The following HEATR4 variants were observed in gnomAD, a reference collection of about 807,000 sequenced individuals.
HEATR4 encodes HEAT repeat-containing protein 4.
In HEATR4, 95 loss-of-function variants were observed where a neutral mutation model predicts 108.8. The ratio of observed to expected loss-of-function variants is 0.87; its 90% confidence interval spans 0.74 to 1.04. The LOEUF (loss-of-function observed/expected upper bound fraction) is 1.04. Among genes scored for constraint, HEATR4 ranks in the 50% least tolerant of loss-of-function variants. The pLI is 0.00. For missense variants in HEATR4, 1,152 were observed against 1,253.8 expected (o/e 0.92, Z 1.23); for synonymous variants, 443 against 459.4 (o/e 0.96, Z 0.46).
In HEATR4 at chr14:73,508,320, T is replaced by G. The variant is rs779460948; in HGVS notation, c.1721-26A>C. 5 of 1,610,824 alleles carry G rather than the reference T, an allele frequency of 3.1e-6. No homozygotes were observed. In the Admixed American group the frequency reaches 5.0e-5, roughly 16 times the overall value. On this transcript the variant is annotated intron_variant, in intron 8 of 17. Coordinates refer to ENST00000553558, the MANE Select transcript of HEATR4 (RefSeq NM_001220484.1). Reference sequence around the variant, plus strand: ...CTGCCACAGTTGGGTGAAAAAGAGTTCAGAATGGTGATGTGTTTTCCCCCT... The same window carrying G: ...CTGCCACAGTTGGGTGAAAAAGAGTGCAGAATGGTGATGTGTTTTCCCCCT...
intron 1 of HEATR4, chr14:73,538,001 C>T (rs1888935188): frequency 5.9e-6 from 5 of 851,584 alleles, no homozygotes; most frequent in South Asian, 4.3e-5. Context: ...GTCCCTCCTC[C>T]CGCCCCACCA....
chr14:73,588,971 G>C, the HEATR4 span, among the ~76,000 whole-genome samples: 4 of 151,956 alleles, frequency 2.6e-5, no homozygotes, highest in Non-Finnish European at 5.9e-5. Flanking sequence ...AGAAGGTAGT[G>C]ATTACCCATA....
At chr14:73,573,393 G>C in the HEATR4 span, 2 of 1,613,652 alleles carry the variant, frequency 1.2e-6, no homozygotes, top group East Asian at 4.5e-5. Flanking sequence ...CCAAGAACCT[G>C]GGCCCTTTCC....
the HEATR4 span, among the ~76,000 whole-genome samples, chr14:73,598,037 T>G: frequency 6.6e-6 from 1 of 151,068 alleles, no homozygotes; most frequent in Non-Finnish European, 1.5e-5. Flanking sequence ...TTATGGTAAT[T>G]TTAAAACATA....
chr14:73,577,740 G>A, the HEATR4 span, among the ~76,000 whole-genome samples: 2 of 152,048 alleles, frequency 1.3e-5, no homozygotes, highest in African/African-American at 4.8e-5. Flanking sequence ...GCTGGTGGGT[G>A]TAGAAGCACA....
At chr14:73,556,745 A>T (rs185203333) in intron 1 of HEATR4, among the ~76,000 whole-genome samples, 6 of 115,052 alleles carry the variant, frequency 5.2e-5, no homozygotes, top group Non-Finnish European at 1.1e-4. Flanking sequence ...GAACCTCAAA[A>T]TTAGAAACGT....
chr14:73,603,565 G>T, the HEATR4 span, among the ~76,000 whole-genome samples: 13 of 151,922 alleles, frequency 8.6e-5, no homozygotes, highest in African/African-American at 3.1e-4. Context: ...ATGTTAGCCA[G>T]GATGGTCTCG....
At position 73,521,700 on chromosome 14, in the gene HEATR4, G is replaced by A. The variant is rs1258613913; in HGVS notation, c.881+572C>T. Among the ~76,000 whole-genome samples the A allele has an allele frequency of 2.6e-5, 4 of 152,136 alleles. No individual in the cohort carries two copies. In the East Asian group the frequency reaches 5.8e-4, roughly 22 times the overall value. ...ACATGTAGTCATCTTCTTCTCTCAGGTTGTCTGGTTCTCTGTCCTGCAGCT... is the reference window on the plus strand; with the variant it reads ...ACATGTAGTCATCTTCTTCTCTCAGATTGTCTGGTTCTCTGTCCTGCAGCT... On this transcript the variant is annotated intron_variant, in intron 3 of 17. Transcript: ENST00000553558.
In HEATR4 at chr14:73,493,566, C is replaced by T. The variant is rs537796851; in HGVS notation, c.2786-442G>A. Among the ~76,000 whole-genome samples the T allele has an allele frequency of 1.4e-4, 21 of 152,108 alleles. No homozygotes were observed. The East Asian group carries it at 2.9e-3, about 21-fold the overall frequency. ...AAGGAAGAGACTCTCAGGCTGGGTG[C>T]GGTACTCATGCCTGTAATCCTAGCA... On this transcript the variant is annotated intron_variant, in intron 16 of 17. Coordinates refer to ENST00000553558, the MANE Select transcript of HEATR4 (RefSeq NM_001220484.1).
At chr14:73,566,550 G>C in the HEATR4 span, among the ~76,000 whole-genome samples, 85 of 152,306 alleles carry the variant, frequency 5.6e-4, no homozygotes, top group African/African-American at 2.0e-3. Flanking sequence ...GGGGGACCCA[G>C]CACACCCTCC....
At chr14:73,603,574 C>T in the HEATR4 span, among the ~76,000 whole-genome samples, 1 of 151,464 alleles carries the variant, frequency 6.6e-6, no homozygotes, top group African/African-American at 2.4e-5. Flanking sequence ...AGGATGGTCT[C>T]GATCTCCTGA....
chr14:73,518,891 G>A (rs1296432584), intron 5 of HEATR4, 132 bp downstream of exon 5: 2 of 782,222 alleles, frequency 2.6e-6, no homozygotes, highest in African/African-American at 3.5e-5. Flanking sequence ...TACGTAGAAA[G>A]GGGATTGCCT....
intron 2 of HEATR4, among the ~76,000 whole-genome samples, chr14:73,528,137 G>A (rs1194470529): frequency 6.6e-6 from 1 of 152,030 alleles, no homozygotes; most frequent in Admixed American, 6.6e-5. Flanking sequence ...GCTCATGCCT[G>A]TAATCCCAAC....
intron 17 of HEATR4, chr14:73,491,596 C>T (rs1885747671): frequency 1.9e-6 from 3 of 1,546,372 alleles, no homozygotes; most frequent in African/African-American, 2.7e-5. Context: ...CCGAGCTGAA[C>T]CGCATCCCCA....
intron 17 of HEATR4, among the ~76,000 whole-genome samples, chr14:73,488,922 T>C (rs530362979): frequency 6.7e-6 from 1 of 149,120 alleles, no homozygotes; most frequent in African/African-American, 2.4e-5. Context: ...CCTGGGAGGC[T>C]GAGGCAGGAG....
rs968012188 is a variant in HEATR4 at position 73,490,534 on chromosome 14, G to A, written c.2844+2532C>T. On this transcript the variant is annotated intron_variant, in intron 17 of 17. Transcript: ENST00000553558. Reference sequence around the variant, plus strand: ...GACGGGGTTTCACCGTGTTAGCCAGGATGGTCTCGATCTCCTGACCTCGTG... The same window carrying A: ...GACGGGGTTTCACCGTGTTAGCCAGAATGGTCTCGATCTCCTGACCTCGTG... Among the ~76,000 whole-genome samples, 4 of 152,260 alleles carry A rather than the reference G, an allele frequency of 2.6e-5. No homozygotes were observed. In the East Asian group the frequency reaches 7.7e-4, roughly 29 times the overall value.
the HEATR4 span, among the ~76,000 whole-genome samples, chr14:73,620,883 C>T: frequency 1.3e-5 from 2 of 151,606 alleles, no homozygotes; most frequent in Non-Finnish European, 2.9e-5. Context: ...TCATTCTTGC[C>T]CATACACATT....
intron 16 of HEATR4, among the ~76,000 whole-genome samples, chr14:73,494,654 A>C (rs550708647): frequency 4.7e-4 from 71 of 152,242 alleles, no homozygotes; most frequent in African/African-American, 1.7e-3. Flanking sequence ...GGGCTCAAGC[A>C]ATCCTCCCAT....
At chr14:73,614,869 G>A in the HEATR4 span, among the ~76,000 whole-genome samples, 14 of 152,190 alleles carry the variant, frequency 9.2e-5, no homozygotes, top group East Asian at 2.7e-3. Flanking sequence ...GGCCGAGGCA[G>A]GTGGATCACC....
Sources: gnomAD v4.1 joint callset for allele counts (sites outside exome capture counted in the v4.1 genomes callset) on GRCh38, gnomAD v4.1.1 for gene constraint, MANE v1.5 for transcripts, NCBI Gene and HGNC (gene_info 2026-07-23, HGNC 2026-07-21) for gene names.